PHACTR3: variants seen among roughly 807,000 people sequenced by gnomAD.
PHACTR3 encodes the protein protein phosphatase 1, regulatory subunit 123.
A neutral mutation model predicts 66.8 loss-of-function variants in PHACTR3; 16 were observed. The observed-to-expected ratio is 0.24, with a 90% CI of 0.16 to 0.36. The LOEUF is 0.36. Ranked by LOEUF, PHACTR3 falls within the 10% of genes least tolerant of loss-of-function variation. The pLI is 1.00. For synonymous variants in PHACTR3, 323 were observed against 292.1 expected, an observed-to-expected ratio of 1.11 and a Z score of -1.08; for missense variants, 647 against 719.9, an observed-to-expected ratio of 0.90 and a Z score of 1.16.
chr20:59,743,391 T>G, intron 2 of PHACTR3, 123 bp downstream of exon 2: 1 of 1,251,534 alleles, frequency 8.0e-7, no homozygotes, highest in Non-Finnish European at 1.1e-6. Flanking sequence ...ATGTGCTTCA[T>G]GGCCTGTGAT....
chr20:59,630,933 G>T (rs904160072), intron 1 of PHACTR3, among the ~76,000 whole-genome samples: 10 of 152,232 alleles, frequency 6.6e-5, no homozygotes. Flanking sequence ...GGGGTGGTTG[G>T]AGGGATTTGG....
chr20:59,669,247 GT>G (rs746894968), intron 1 of PHACTR3, among the ~76,000 whole-genome samples: 24 of 152,296 alleles, frequency 1.6e-4, no homozygotes, highest in African/African-American at 5.1e-4. Flanking sequence ...AGTAGGGAGG[GT>G]TTCAGCACTG....
intron 5 of PHACTR3, among the ~76,000 whole-genome samples, chr20:59,771,507 C>A (rs913456953): frequency 1.3e-5 from 2 of 152,090 alleles, no homozygotes; most frequent in Admixed American, 6.6e-5. Flanking sequence ...CTTTCCTGAC[C>A]TCCCTCTCCC....
At chr20:59,651,282 C>G (rs6027020) in intron 1 of PHACTR3, among the ~76,000 whole-genome samples, 1 of 152,098 alleles carries the variant, frequency 6.6e-6, no homozygotes, top group Non-Finnish European at 1.5e-5. Context: ...TCTAAAGTAG[C>G]GTAACTTTTC....
intron 1 of PHACTR3, among the ~76,000 whole-genome samples, chr20:59,606,774 T>A (rs1159962833): frequency 6.6e-6 from 1 of 152,080 alleles, no homozygotes; most frequent in Non-Finnish European, 1.5e-5. Flanking sequence ...TGCCGGTCCA[T>A]GAGAGAAGGA....
Position 59,838,849 on chromosome 20 carries a change from C to T in PHACTR3, c.1385-1520C>T, listed in dbSNP as rs1403161853. On this transcript the variant is annotated intron_variant, in intron 9 of 12. Coordinates refer to ENST00000371015, the MANE Select transcript of PHACTR3 (RefSeq NM_080672.5). ...GTTCTGGGTCTGGAAATAAGAAATCCATAAACATATCACTAAGGGGAGCTC... is the reference window on the plus strand; with the variant it reads ...GTTCTGGGTCTGGAAATAAGAAATCTATAAACATATCACTAAGGGGAGCTC... 2.0e-5 allele frequency among the ~76,000 whole-genome samples: 3 copies of T among 151,948 alleles called. No individual in the cohort carries two copies. The East Asian group carries it at 5.8e-4, about 29-fold the overall frequency.
chr20:59,745,814 G>A (rs894698356), intron 2 of PHACTR3, among the ~76,000 whole-genome samples: 1 of 152,208 alleles, frequency 6.6e-6, no homozygotes, highest in African/African-American at 2.4e-5. Context: ...ACCTTCACAA[G>A]CTGCACCACC....
chr20:59,701,176 C>T (rs1410482417), intron 1 of PHACTR3, among the ~76,000 whole-genome samples: 2 of 152,168 alleles, frequency 1.3e-5, no homozygotes, highest in Non-Finnish European at 2.9e-5. Flanking sequence ...CATAAATCAT[C>T]ACGAGTTGTT....
intron 5 of PHACTR3, 82 bp from the exon 6 acceptor site, chr20:59,773,197 G>C: frequency 2.0e-6 from 3 of 1,483,486 alleles, no homozygotes; most frequent in Non-Finnish European, 2.7e-6. Flanking sequence ...CGTCCTTTCC[G>C]CTCATGGTCC....
chr20:59,579,518 G>A (rs937083942), intron 1 of PHACTR3, among the ~76,000 whole-genome samples: 2 of 152,238 alleles, frequency 1.3e-5, no homozygotes, highest in Non-Finnish European at 2.9e-5. Context: ...CCATCAGCTA[G>A]GGGACTGGAG....
intron 1 of PHACTR3, among the ~76,000 whole-genome samples, chr20:59,588,066 G>T (rs1020158844): frequency 3.3e-5 from 5 of 152,160 alleles, no homozygotes; most frequent in African/African-American, 1.2e-4. Flanking sequence ...TCAGGTCACC[G>T]GGGGTCGGGA....
chr20:59,794,581 T>C (rs2041199085), intron 7 of PHACTR3, among the ~76,000 whole-genome samples: 1 of 152,216 alleles, frequency 6.6e-6, no homozygotes, highest in Non-Finnish European at 1.5e-5. Context: ...TACTCCTTCC[T>C]TTTCAATATT....
chr20:59,642,898 C>G (rs558759638), intron 1 of PHACTR3, among the ~76,000 whole-genome samples: 55 of 152,142 alleles, frequency 3.6e-4, no homozygotes, highest in African/African-American at 1.3e-3. Context: ...AATTCTTCTT[C>G]TTGTTTTTTG....
chr20:59,739,945 C>A (rs1403920284), intron 1 of PHACTR3, among the ~76,000 whole-genome samples: 1 of 151,732 alleles, frequency 6.6e-6, no homozygotes, highest in Non-Finnish European at 1.5e-5. Context: ...GCTCTGAGAC[C>A]AACAAAAAAA....
At chr20:59,778,592 G>T (rs996459690) in intron 7 of PHACTR3, among the ~76,000 whole-genome samples, 1 of 152,210 alleles carries the variant, frequency 6.6e-6, no homozygotes, top group Non-Finnish European at 1.5e-5. Flanking sequence ...CTTTGCCCAT[G>T]CAGCCTCTCT....
rs369838456 is a variant in PHACTR3 at position 59,645,928 on chromosome 20, G to A, written c.118+40796G>A. On this transcript the variant is annotated intron_variant, in intron 1 of 12. Coordinates refer to ENST00000371015, the MANE Select transcript of PHACTR3 (RefSeq NM_080672.5). ...TTTTAATAAGGCTGTTGAGCCTGGGGCCTCTGCCCTCTGCTGGTCACTATC... is the reference window on the plus strand; with the variant it reads ...TTTTAATAAGGCTGTTGAGCCTGGGACCTCTGCCCTCTGCTGGTCACTATC... Among the ~76,000 whole-genome samples, 50 of 152,274 alleles carry A rather than the reference G, an allele frequency of 3.3e-4. No homozygotes were observed. The South Asian group carries it at 1.0e-2, about 30-fold the overall frequency.
chr20:59,662,730 T>C (rs1033008722), intron 1 of PHACTR3, among the ~76,000 whole-genome samples: 1 of 152,004 alleles, frequency 6.6e-6, no homozygotes, highest in Non-Finnish European at 1.5e-5. Flanking sequence ...CGGTGGCCGT[T>C]TCTGCAATCG....
chr20:59,719,950 C>T (rs2038232276), intron 1 of PHACTR3, among the ~76,000 whole-genome samples: 1 of 152,176 alleles, frequency 6.6e-6, no homozygotes, highest in South Asian at 2.1e-4. Flanking sequence ...TTTCAAAATG[C>T]CAGCTGGTTG....
intron 1 of PHACTR3, among the ~76,000 whole-genome samples, chr20:59,637,303 A>G (rs1314501412): frequency 6.6e-6 from 1 of 152,252 alleles, no homozygotes; most frequent in Non-Finnish European, 1.5e-5. Context: ...TCTCTGGCAG[A>G]TGCCTTTTCC....
Sources: allele counts gnomAD v4.1 joint callset (sites outside exome capture counted in the v4.1 genomes callset), GRCh38; gene constraint gnomAD v4.1.1; transcripts MANE v1.5; gene names NCBI Gene and HGNC (gene_info 2026-07-23, HGNC 2026-07-21).